Variants in RBFOX1 observed in about 807,000 individuals in gnomAD.
RBFOX1 encodes RNA binding fox-1 homolog 1, also known as RNA binding protein fox-1 homolog 1.
Under a neutral mutation model 57.7 loss-of-function variants are expected in RBFOX1, and 8 were observed. The observed-to-expected ratio is 0.14, with a 90% CI of 0.08 to 0.25. The LOEUF is 0.25. Ranked by LOEUF, RBFOX1 falls within the 10% of genes least tolerant of loss-of-function variation. The pLI, the probability that RBFOX1 is intolerant of heterozygous loss-of-function variation, is 1.00. For synonymous variants in RBFOX1, 326 were observed against 222.4 expected (o/e 1.47, Z -4.15); for missense variants, 611 against 548.5 (o/e 1.11, Z -1.14).
At chr16:5,901,154 G>T (rs1436934430) in intron 4 of RBFOX1, among the ~76,000 whole-genome samples, 1 of 152,192 alleles carries the variant, frequency 6.6e-6, no homozygotes, top group Non-Finnish European at 1.5e-5. Context: ...GCCCAGTCAT[G>T]TTCGTCTCCC....
chr16:7,114,708 C>G (rs1441382336), intron 4 of RBFOX1, among the ~76,000 whole-genome samples: 1 of 152,194 alleles, frequency 6.6e-6, no homozygotes, highest in Non-Finnish European at 1.5e-5. Context: ...GTGCTGTTTT[C>G]CTTTCTACGC....
intron 1 of RBFOX1, among the ~76,000 whole-genome samples, chr16:6,164,302 A>G (rs900619919): frequency 2.6e-5 from 4 of 152,160 alleles, no homozygotes; most frequent in South Asian, 2.1e-4. Flanking sequence ...TGATAATACT[A>G]TAAATAATTA....
At chr16:7,116,373 A>G (rs1418733774) in intron 4 of RBFOX1, among the ~76,000 whole-genome samples, 2 of 152,116 alleles carry the variant, frequency 1.3e-5, no homozygotes, top group South Asian at 2.1e-4. Flanking sequence ...GAGGCAAAGT[A>G]TTATGTTTCA....
At chr16:7,669,365 G>A (rs959656146) in intron 13 of RBFOX1, among the ~76,000 whole-genome samples, 4 of 151,940 alleles carry the variant, frequency 2.6e-5, no homozygotes, top group African/African-American at 9.7e-5. Context: ...ATGAAAAGAG[G>A]GAGAGAAAGA....
At chr16:6,517,735 C>G (rs537696944) in intron 2 of RBFOX1, among the ~76,000 whole-genome samples, 1 of 152,272 alleles carries the variant, frequency 6.6e-6, no homozygotes, top group East Asian at 1.9e-4. Flanking sequence ...CAAAATTATC[C>G]TCCTGCACTT....
chr16:5,829,867 CA>C (rs2056202064), intron 3 of RBFOX1, among the ~76,000 whole-genome samples: 1 of 152,114 alleles, frequency 6.6e-6, no homozygotes, highest in African/African-American at 2.4e-5. Context: ...GAAACAAAAA[CA>C]GGGGGGAAGA....
intron 2 of RBFOX1, among the ~76,000 whole-genome samples, chr16:6,518,113 A>G (rs2096416922): frequency 6.6e-6 from 1 of 152,184 alleles, no homozygotes; most frequent in Non-Finnish European, 1.5e-5. Flanking sequence ...CATTCCTGCA[A>G]TGGATGAAAA....
intron 4 of RBFOX1, among the ~76,000 whole-genome samples, chr16:7,505,534 C>A (rs373882484): frequency 5.3e-5 from 8 of 152,376 alleles, no homozygotes; most frequent in African/African-American, 1.4e-4. Flanking sequence ...AGGTCTCTGA[C>A]TTGTACAGAG....
At chr16:6,663,222 A>G (rs1211480365) in intron 3 of RBFOX1, among the ~76,000 whole-genome samples, 1 of 152,192 alleles carries the variant, frequency 6.6e-6, no homozygotes, top group Non-Finnish European at 1.5e-5. Flanking sequence ...TGACTTACTG[A>G]CAATGGATGG....
At chr16:7,246,748 C>G (rs1005105294) in intron 4 of RBFOX1, among the ~76,000 whole-genome samples, 1 of 150,282 alleles carries the variant, frequency 6.7e-6, no homozygotes, top group Non-Finnish European at 1.5e-5. Context: ...GGTATCAGCA[C>G]CAAGGACAGC....
intron 4 of RBFOX1, among the ~76,000 whole-genome samples, chr16:7,455,399 C>G (rs182660001): frequency 2.6e-5 from 4 of 152,268 alleles, no homozygotes; most frequent in African/African-American, 9.6e-5. Context: ...TCCAGCCTTA[C>G]TCTCCATGCA....
At chr16:7,496,355 C>G (rs1246920657) in intron 4 of RBFOX1, among the ~76,000 whole-genome samples, 1 of 152,170 alleles carries the variant, frequency 6.6e-6, no homozygotes, top group East Asian at 1.9e-4. Flanking sequence ...GTTGACCAGG[C>G]TGGTCTTGAA....
chr16:7,381,237 C>G (rs1014530872), intron 4 of RBFOX1, among the ~76,000 whole-genome samples: 4 of 152,166 alleles, frequency 2.6e-5, no homozygotes, highest in Non-Finnish European at 5.9e-5. Flanking sequence ...CTCTCAAACC[C>G]AGGTGCAAGT....
intron 4 of RBFOX1, among the ~76,000 whole-genome samples, chr16:7,070,981 G>T (rs1002587032): frequency 6.6e-6 from 1 of 152,146 alleles, no homozygotes; most frequent in South Asian, 2.1e-4. Context: ...TGCCCAGAGT[G>T]GCATGTTGTC....
chr16:5,434,311 G>A (rs1240814329), intron 1 of RBFOX1, among the ~76,000 whole-genome samples: 1 of 86,776 alleles, frequency 1.2e-5, no homozygotes, highest in Non-Finnish European at 2.4e-5. Context: ...CATCTCTGCT[G>A]AAGTCCTTTT....
intron 5 of RBFOX1, among the ~76,000 whole-genome samples, chr16:7,545,870 C>T (rs888504579): frequency 6.6e-6 from 1 of 152,084 alleles, no homozygotes; most frequent in Non-Finnish European, 1.5e-5. Context: ...ATCGGGGGAG[C>T]AGAACCAGGA....
intron 14 of RBFOX1, among the ~76,000 whole-genome samples, chr16:7,684,052 G>C (rs1174933287): frequency 6.6e-6 from 1 of 152,074 alleles, no homozygotes; most frequent in African/African-American, 2.4e-5. Flanking sequence ...CAGTAAAAGT[G>C]TCTAATATTT....
intron 3 of RBFOX1, among the ~76,000 whole-genome samples, chr16:6,963,124 G>T (rs2083370373): frequency 1.3e-5 from 2 of 152,192 alleles, no homozygotes; most frequent in Middle Eastern, 3.4e-3. Flanking sequence ...TCACCTCTGG[G>T]TGCAGGACTC....
intron 3 of RBFOX1, among the ~76,000 whole-genome samples, chr16:6,858,904 G>A (rs909253363): frequency 6.6e-6 from 1 of 151,442 alleles, no homozygotes; most frequent in African/African-American, 2.4e-5. Flanking sequence ...AGTATCATGT[G>A]GTCAGTAAGT....
Sources: gnomAD v4.1 joint callset for allele counts (sites outside exome capture counted in the v4.1 genomes callset) on GRCh38, gnomAD v4.1.1 for gene constraint, MANE v1.5 for transcripts, NCBI Gene and HGNC (gene_info 2026-07-23, HGNC 2026-07-21) for gene names.